The following NAA15 variants were observed in gnomAD, a reference collection of about 807,000 sequenced individuals.
NAA15 encodes the protein N-terminal acetyltransferase.
NAA15 carries 34 observed loss-of-function variants against 114.0 expected under a neutral mutation model. The observed-to-expected ratio is 0.30, with a 90% CI of 0.23 to 0.40. NAA15 has a LOEUF of 0.40. Ranked by LOEUF, NAA15 falls within the 10% of genes least tolerant of loss-of-function variation. NAA15 has a pLI of 1.00. For synonymous variants in NAA15, 340 were observed against 338.0 expected (o/e 1.01, Z -0.06); for missense variants, 658 against 1,004.5 (o/e 0.66, Z 4.66).
rs1553992519 is a variant in NAA15 at position 139,315,006 on chromosome 4, TTTAGG to T, written c.54+13220_54+13224del. ...AAGCGTTCAGTTCAGTTCAGTTTAG[TTTAGG>T]TTAGGTTAGGTTAGGTTAGGTTAGG... is the stretch of plus-strand genomic sequence containing the variant. On this transcript the variant is annotated intron_variant, in intron 1 of 19. Transcript: ENST00000296543. Among the ~76,000 whole-genome samples the T allele has an allele frequency of 3.9e-4, 40 of 101,556 alleles. 6 individuals are homozygous for T. Among genetic ancestry groups the T allele is most frequent in the Admixed American group, 1.7e-3 (18 of 10,736 alleles). 66.6% of individuals were successfully genotyped at this position (101,556 alleles called of 152,430 possible).
intron 19 of NAA15, among the ~76,000 whole-genome samples, chr4:139,387,086 G>A (rs1273382333): frequency 6.6e-6 from 1 of 152,078 alleles, no homozygotes; most frequent in Non-Finnish European, 1.5e-5. Flanking sequence ...AGACTTGTTT[G>A]TTTTACCATT....
Position 139,301,518 on chromosome 4 carries a change from G to C in NAA15, c.-260G>C. 1 of 491,468 alleles carries C rather than the reference G, an allele frequency of 2.0e-6. No homozygotes were observed. The highest frequency in any genetic ancestry group is 3.0e-5 in the South Asian group (1 of 33,172). The allele number at this position is 491,468 out of a possible 1,614,324, so 30.4% of individuals were successfully genotyped here. A position where few individuals can be genotyped will look rare whatever the true frequency, so the allele number is the denominator to read the frequency against. ...GTCCGCCATTTTGGCTGCCTCTGTC[G>C]GTCTGTTCAGTTACCACGTGAACCG... On this transcript the variant is annotated 5_prime_UTR_variant, in exon 1 of 20. Transcript: ENST00000296543.
chr4:139,381,789 A>G (rs1296197790), intron 17 of NAA15, among the ~76,000 whole-genome samples: 2 of 152,150 alleles, frequency 1.3e-5, no homozygotes, highest in Admixed American at 6.5e-5. Context: ...TGTTTTAACC[A>G]TTGGTGCTTG....
chr4:139,312,534 C>T (rs1051250834), intron 1 of NAA15, among the ~76,000 whole-genome samples: 12 of 151,886 alleles, frequency 7.9e-5, no homozygotes, highest in Non-Finnish European at 1.6e-4. Flanking sequence ...ATCCCTTACA[C>T]TTTTAACTAA....
chr4:139,370,242 A>G lies in NAA15; in HGVS notation c.1785A>G (p.Leu595=), dbSNP rs199806707. The G allele has an allele frequency of 6.4e-7, 1 of 1,559,824 alleles. No individual in the cohort carries two copies. Residue 595 remains leucine (L), a synonymous_variant, in exon 15 of 20, where the codon CTA becomes CTG. Transcript: ENST00000296543. The stretch of plus-strand genomic sequence containing the variant: ...TGTCTGACAAAGAGCTAAAGAAGCT[A>G]CGTAATAAACAAAGAAGAGCTCAAA... The part of the protein sequence containing the change: ...ANMSDKELKK[L]RNKQRRAQKK...
intron 18 of NAA15, 24 bp from the exon 19 acceptor site, chr4:139,386,109 A>G (rs748388621): frequency 1.5e-6 from 2 of 1,309,438 alleles, no homozygotes; most frequent in African/African-American, 1.5e-5. Flanking sequence ...CTTGAAATAA[A>G]TTTCCTATTT....
At position 139,301,717 on chromosome 4, in the gene NAA15, G is replaced by C; in HGVS notation, c.-61G>C. The C allele has an allele frequency of 6.6e-7, 1 of 1,522,228 alleles. No homozygotes were observed. Among genetic ancestry groups the C allele is most frequent in the South Asian group, 1.2e-5 (1 of 82,516 alleles). 94.3% of individuals were successfully genotyped at this position (1,522,228 alleles called of 1,614,324 possible). On this transcript the variant is annotated 5_prime_UTR_variant, in exon 1 of 20. Transcript: ENST00000296543. ...GCAGCTACGGAACGGCAGCGGCGGCGGTCGGACAAACTGACTGACCGAGCC... is the reference window on the plus strand; with the variant it reads ...GCAGCTACGGAACGGCAGCGGCGGCCGTCGGACAAACTGACTGACCGAGCC...
intron 1 of NAA15, among the ~76,000 whole-genome samples, chr4:139,315,157 C>G (rs1426723078): frequency 6.6e-6 from 1 of 151,686 alleles, no homozygotes; most frequent in Non-Finnish European, 1.5e-5. Flanking sequence ...CTGCCTCGGC[C>G]TAGGGAAGCT....
Position 139,344,309 on chromosome 4 carries a change from T to C in NAA15, c.661T>C (p.Cys221Arg), listed in dbSNP as rs1747508716. The C allele has an allele frequency of 6.2e-7, 1 of 1,610,440 alleles. No individual in the cohort carries two copies. Among genetic ancestry groups the C allele is most frequent in the African/African-American group, 1.3e-5 (1 of 74,830 alleles). ...TCTTTGTACCTATGAAAAGCAGATT[T>C]GTGATAAACTTGCTGTAGAAGAAAC... ...EHLCTYEKQI[C>R]DKLAVEETKG... Residue 221 changes from cysteine to arginine, a missense_variant, in exon 6 of 20, where the codon TGT (cysteine) becomes CGT (arginine). Transcript: ENST00000296543.
In NAA15 at chr4:139,302,056, C is replaced by G. The variant is rs569685312; in HGVS notation, c.54+225C>G. On this transcript the variant is annotated intron_variant, in intron 1 of 19. Coordinates refer to ENST00000296543, the MANE Select transcript of NAA15 (RefSeq NM_057175.5). Reference sequence around the variant, plus strand: ...TCATTCCATCCCCACGCTTGAGGCCCTGGTTCCGGACTAGGCCCCGACCTC... The same window carrying G: ...TCATTCCATCCCCACGCTTGAGGCCGTGGTTCCGGACTAGGCCCCGACCTC... 1.6e-5 allele frequency: 7 copies of G among 434,356 alleles called. No homozygotes were observed. In the East Asian group the frequency reaches 2.2e-4, roughly 13 times the overall value. The allele number at this position is 434,356 out of a possible 1,614,324, so 26.9% of individuals were successfully genotyped here.
rs1315774074 is a variant in NAA15, at chr4:139,351,290, A to G, written c.907+4A>G. 2 of 1,573,200 alleles carry G rather than the reference A, an allele frequency of 1.3e-6. No individual in the cohort carries two copies. The highest frequency in any genetic ancestry group is 1.7e-6 in the Non-Finnish European group (2 of 1,147,414). ...CTGCCGTTAAACTTTTTATCTGGTA[A>G]GTGAGAATAATTGCAAAGGAATAGA... On this transcript the variant is annotated splice_donor_region_variant and intron_variant, in intron 8 of 19. Coordinates refer to ENST00000296543, the MANE Select transcript of NAA15 (RefSeq NM_057175.5).
intron 1 of NAA15, among the ~76,000 whole-genome samples, chr4:139,304,063 G>A (rs908984679): frequency 2.6e-5 from 4 of 152,122 alleles, no homozygotes; most frequent in African/African-American, 9.6e-5. Context: ...GACTACAGGT[G>A]CCCGCCACCA....
chr4:139,343,026 T>C, intron 5 of NAA15, 66 bp downstream of exon 5: 1 of 1,399,384 alleles, frequency 7.1e-7, no homozygotes, highest in Admixed American at 2.2e-5. Context: ...ATGTGCATAG[T>C]CTGGCTTACT....
intron 1 of NAA15, among the ~76,000 whole-genome samples, chr4:139,326,467 T>C (rs1265070420): frequency 6.6e-6 from 1 of 152,232 alleles, no homozygotes; most frequent in African/African-American, 2.4e-5. Flanking sequence ...TCATGATTGC[T>C]CTCCATGATT....
chr4:139,329,979 TG>T (rs1746947433), intron 1 of NAA15, among the ~76,000 whole-genome samples: 1 of 152,212 alleles, frequency 6.6e-6, no homozygotes, highest in Admixed American at 6.5e-5. Flanking sequence ...CCCGTTCTCA[TG>T]GTTCACAGTC....
At chr4:139,358,307 C>G (rs1215971165) in intron 11 of NAA15, among the ~76,000 whole-genome samples, 1 of 151,566 alleles carries the variant, frequency 6.6e-6, no homozygotes, top group Non-Finnish European at 1.5e-5. Flanking sequence ...ATTCTCATGC[C>G]TCAGCCTCCG....
chr4:139,368,719 G>A lies in NAA15; in HGVS notation c.1754-1492G>A, dbSNP rs187512695. On this transcript the variant is annotated intron_variant, in intron 14 of 19. Transcript: ENST00000296543. ...AAATATAGCCCACGTTTGAGGTGGC[G>A]GGGGTGGAGGGGGGTCCTGCCTTTT... Among the ~76,000 whole-genome samples, 334 of 152,254 alleles carry A rather than the reference G, an allele frequency of 2.2e-3. 2 individuals are homozygous for A. Among genetic ancestry groups the A allele is most frequent in the African/African-American group, 7.7e-3 (321 of 41,550 alleles).
chr4:139,385,783 T>G (rs1748895143), intron 18 of NAA15, among the ~76,000 whole-genome samples: 1 of 152,200 alleles, frequency 6.6e-6, no homozygotes, highest in Non-Finnish European at 1.5e-5. Flanking sequence ...ATTATTCTGC[T>G]TATTTCAGAA....
At chr4:139,370,954 C>T (rs1204762133) in intron 15 of NAA15, among the ~76,000 whole-genome samples, 3 of 152,164 alleles carry the variant, frequency 2.0e-5, no homozygotes, top group Non-Finnish European at 2.9e-5. Flanking sequence ...AATATTTTCC[C>T]TAGGCCAAAA....
Sources: allele counts gnomAD v4.1 joint callset (sites outside exome capture counted in the v4.1 genomes callset), GRCh38; gene constraint gnomAD v4.1.1; transcripts MANE v1.5; gene names NCBI Gene and HGNC (gene_info 2026-07-23, HGNC 2026-07-21).